Variants in ENTPD3 observed in about 807,000 individuals in gnomAD.
ENTPD3 encodes the protein CD39 antigen-like 3.
In ENTPD3, 60 loss-of-function variants were observed where a neutral mutation model predicts 51.2. The observed-to-expected ratio is 1.17, with a 90% CI of 0.95 to 1.45. The LOEUF (loss-of-function observed/expected upper bound fraction) is 1.45. Ranked by LOEUF, ENTPD3 falls within the 40% of genes most tolerant of loss-of-function variation. The probability of loss-of-function intolerance (pLI) is 0.00; values close to 1 mark genes in which losing one functional copy is unlikely to be tolerated. For missense variants in ENTPD3, 593 were observed against 641.1 expected (o/e 0.93, Z 0.81); for synonymous variants, 221 against 238.4 (o/e 0.93, Z 0.67).
intron 7 of ENTPD3, among the ~76,000 whole-genome samples, chr3:40,421,180 C>T (rs964111698): frequency 2.6e-5 from 4 of 151,840 alleles, no homozygotes; most frequent in Admixed American, 6.6e-5. Context: ...CGTGCCACCA[C>T]GCCTGGCTAA....
chr3:40,392,176 A>G (rs1192766187), intron 3 of ENTPD3, 26 bp downstream of exon 3: 1 of 1,610,874 alleles, frequency 6.2e-7, no homozygotes, highest in African/African-American at 1.3e-5. Flanking sequence ...CTGGCAACAA[A>G]GGGAAGAAAT....
At position 40,422,267 on chromosome 3, in the gene ENTPD3, A is replaced by T. The variant is rs933240148; in HGVS notation, c.832-583A>T. Among the ~76,000 whole-genome samples the T allele has an allele frequency of 1.2e-4, 16 of 135,680 alleles. No homozygotes were observed. The South Asian group carries it at 1.7e-3, about 14-fold the overall frequency. 89.0% of individuals were successfully genotyped at this position (135,680 alleles called of 152,430 possible). On this transcript the variant is annotated intron_variant, in intron 7 of 10. Coordinates refer to ENST00000301825, the MANE Select transcript of ENTPD3 (RefSeq NM_001248.4). ...CTTGGCATTGGAGGGTAGTGATAGA[A>T]TTTGCAAAAGGGAAATACTTGGCTC...
At chr3:40,389,425 A>G (rs1955008148) in intron 2 of ENTPD3, among the ~76,000 whole-genome samples, 1 of 152,180 alleles carries the variant, frequency 6.6e-6, no homozygotes, top group South Asian at 2.1e-4. Flanking sequence ...TTCCATTGCT[A>G]TTACCCACAA....
rs78588637 is a variant in ENTPD3 at position 40,388,095 on chromosome 3, C to A, written c.38C>A (p.Ala13Glu). Residue 13 changes from alanine (A) to glutamate (E), a missense_variant and splice_region_variant, in exon 2 of 11, where the codon GCA (alanine) becomes GAA (glutamate). Physicochemically the swap from Ala to Glu is moderately radical, Grantham distance 107. Transcript: ENST00000301825. ...TVLTRQPCEQ[A>E]GLKALYRTPT... ...CTGACCCGCCAACCATGTGAGCAAGCAGGTTAGTATCTCTCAGCAGGTAGC... is the reference window on the plus strand; with the variant it reads ...CTGACCCGCCAACCATGTGAGCAAGAAGGTTAGTATCTCTCAGCAGGTAGC... The A allele has an allele frequency of 7.8e-4, 1,253 of 1,614,104 alleles. 14 individuals are homozygous for A. In the East Asian group the frequency reaches 0.022, roughly 28 times the overall value.
chr3:40,418,347 C>G (rs1216709825), intron 7 of ENTPD3, among the ~76,000 whole-genome samples: 1 of 152,178 alleles, frequency 6.6e-6, no homozygotes, highest in African/African-American at 2.4e-5. Context: ...TATTGCCAAG[C>G]CCTGACTTGG....
At chr3:40,397,169 G>C (rs1427031461) in intron 3 of ENTPD3, among the ~76,000 whole-genome samples, 1 of 119,902 alleles carries the variant, frequency 8.3e-6, no homozygotes, top group Admixed American at 1.1e-4. Context: ...TATGCAAATG[G>C]GTCCTCTCCT....
chr3:40,426,483 A>G (rs1955988259), intron 10 of ENTPD3, among the ~76,000 whole-genome samples: 2 of 152,046 alleles, frequency 1.3e-5, no homozygotes, highest in African/African-American at 4.8e-5. Context: ...TAAAAGTAAG[A>G]TATTAGAAAG....
intron 2 of ENTPD3, chr3:40,391,651 G>T (rs991269031): frequency 8.3e-6 from 2 of 242,242 alleles, no homozygotes; most frequent in African/African-American, 4.8e-5. Flanking sequence ...ACTCTAACCT[G>T]GGCGATAGAG....
chr3:40,404,726 A>G (rs1309100209), intron 4 of ENTPD3, among the ~76,000 whole-genome samples: 1 of 152,182 alleles, frequency 6.6e-6, no homozygotes, highest in Non-Finnish European at 1.5e-5. Flanking sequence ...AGCAAGTGTC[A>G]TCCCCTCAAA....
intron 4 of ENTPD3, among the ~76,000 whole-genome samples, chr3:40,408,078 T>A (rs868439418): frequency 6.6e-6 from 1 of 152,180 alleles, no homozygotes; most frequent in South Asian, 2.1e-4. Context: ...TCCATTAAAA[T>A]GATTTCTTTA....
intron 4 of ENTPD3, among the ~76,000 whole-genome samples, chr3:40,410,425 C>T (rs568632740): frequency 3.5e-5 from 5 of 142,808 alleles, no homozygotes; most frequent in South Asian, 4.5e-4. Context: ...CTGGGTGACA[C>T]AGTGAGACTC....
Position 40,416,093 on chromosome 3 carries a change from G to C in ENTPD3, c.831+20G>C. ...CTGCAGGTACTTGAGTCGGGGGTAGGGGGTGGCAGGTGTTCTCTTGAGGGT... is the reference window on the plus strand; with the variant it reads ...CTGCAGGTACTTGAGTCGGGGGTAGCGGGTGGCAGGTGTTCTCTTGAGGGT... On this transcript the variant is annotated intron_variant, in intron 7 of 10. Transcript: ENST00000301825. 1 of 1,590,512 alleles carries C rather than the reference G, an allele frequency of 6.3e-7. No homozygotes were observed. Among genetic ancestry groups the C allele is most frequent in the Non-Finnish European group, 8.6e-7 (1 of 1,160,658 alleles).
intron 6 of ENTPD3, 50 bp from the exon 7 acceptor site, chr3:40,415,790 A>G: frequency 6.7e-7 from 1 of 1,491,852 alleles, no homozygotes; most frequent in Non-Finnish European, 9.3e-7. Flanking sequence ...CTGGGCAAAC[A>G]GAGATGGTGC....
chr3:40,418,778 T>C (rs564783191), intron 7 of ENTPD3, among the ~76,000 whole-genome samples: 20 of 152,298 alleles, frequency 1.3e-4, no homozygotes, highest in African/African-American at 4.6e-4. Flanking sequence ...TCATATGGTA[T>C]ATATAATTTT....
chr3:40,419,619 C>A (rs1003050875), intron 7 of ENTPD3, among the ~76,000 whole-genome samples: 1 of 152,132 alleles, frequency 6.6e-6, no homozygotes, highest in Non-Finnish European at 1.5e-5. Flanking sequence ...GTGACATCAA[C>A]AATTTCTATC....
At position 40,388,061 on chromosome 3, in the gene ENTPD3, T is replaced by C; in HGVS notation, c.4T>C (p.Phe2Leu). M[F>L]TVLTRQPCEQ... ...TCACCTGCAGCTAGGAGAAAAGATG[T>C]TCACTGTGCTGACCCGCCAACCATG... The change falls in exon 2 of 11, where the codon TTC becomes CTC. Residue 2 changes from phenylalanine (F) to leucine (L), a missense_variant. Transcript: ENST00000301825. The C allele has an allele frequency of 6.2e-7, 1 of 1,614,102 alleles. No homozygotes were observed. The highest frequency in any genetic ancestry group is 8.5e-7 in the Non-Finnish European group (1 of 1,179,974).
intron 2 of ENTPD3, 138 bp downstream of exon 2, chr3:40,388,235 G>T (rs1449230739): frequency 4.0e-6 from 3 of 747,832 alleles, no homozygotes; most frequent in African/African-American, 1.7e-5. Flanking sequence ...TACTCAGCTG[G>T]GTTTCAACAC....
rs1956023102 is a variant in ENTPD3, at chr3:40,428,636, G to A, written c.*1128G>A. 1 of 152,154 alleles carries A rather than the reference G, an allele frequency of 6.6e-6. No individual in the cohort carries two copies. The highest frequency in any genetic ancestry group is 1.9e-4 in the East Asian group (1 of 5,188). 9.4% of individuals were successfully genotyped at this position (152,154 alleles called of 1,614,324 possible). ...TTATTTTGACTTGCAAGGGGTGTGTGTGTGTTAACTTCCATATGGTACTCT... is the reference window on the plus strand; with the variant it reads ...TTATTTTGACTTGCAAGGGGTGTGTATGTGTTAACTTCCATATGGTACTCT... On this transcript the variant is annotated 3_prime_UTR_variant, in exon 11 of 11. Coordinates refer to ENST00000301825, the MANE Select transcript of ENTPD3 (RefSeq NM_001248.4).
intron 6 of ENTPD3, among the ~76,000 whole-genome samples, chr3:40,415,393 T>C (rs956701120): frequency 1.3e-5 from 2 of 152,280 alleles, no homozygotes; most frequent in African/African-American, 4.8e-5. Flanking sequence ...CCAAGACCTA[T>C]TTTGTTCACC....
Sources: gnomAD v4.1 joint callset for allele counts (sites outside exome capture counted in the v4.1 genomes callset) on GRCh38, gnomAD v4.1.1 for gene constraint, MANE v1.5 for transcripts, NCBI Gene and HGNC (gene_info 2026-07-23, HGNC 2026-07-21) for gene names.